The following CASP4 variants were observed in gnomAD, a reference collection of about 807,000 sequenced individuals.
CASP4 encodes caspase 4.
In CASP4, 29 loss-of-function variants were observed where a neutral mutation model predicts 41.3. That is an observed-to-expected ratio of 0.70 (90% CI 0.52 to 0.96). The LOEUF (loss-of-function observed/expected upper bound fraction) is 0.96, where lower values mean the gene tolerates loss of function less well. Ranked by LOEUF, CASP4 falls within the 40% of genes least tolerant of loss-of-function variation. The pLI, the probability that CASP4 is intolerant of heterozygous loss-of-function variation, is 0.00. For missense variants in CASP4, 447 were observed against 460.6 expected, an observed-to-expected ratio of 0.97 and a Z score of 0.27; for synonymous variants, 185 against 158.4, an observed-to-expected ratio of 1.17 and a Z score of -1.26.
intron 1 of CASP4, 24 bp from the exon 2 acceptor site, chr11:104,955,025 T>G: frequency 1.2e-6 from 2 of 1,608,408 alleles, no homozygotes; most frequent in Non-Finnish European, 8.5e-7. Flanking sequence ...AAAGATTCCT[T>G]TAACTATGGG....
chr11:104,958,960 CAAAAAAAAAA>C (rs56678254), intron 1 of CASP4, among the ~76,000 whole-genome samples: 941 of 62,498 alleles, frequency 0.015, 13 homozygotes, highest in African/African-American at 0.052. Context: ...GACTCTGTCT[CAAAAAAAAAA>C]AAAAAAAAAA....
intron 1 of CASP4, among the ~76,000 whole-genome samples, chr11:104,956,851 A>G (rs1341944479): frequency 6.6e-6 from 1 of 152,150 alleles, no homozygotes; most frequent in Non-Finnish European, 1.5e-5. Flanking sequence ...TCAGTAAACT[A>G]ATATAGTGTT....
chr11:104,951,854 T>G, intron 3 of CASP4, 42 bp downstream of exon 3: 1 of 1,292,810 alleles, frequency 7.7e-7, no homozygotes, highest in Non-Finnish European at 1.1e-6. Context: ...AAAGCAATGA[T>G]ATCTCTTCTT....
At chr11:104,950,328 A>T (rs552337478) in intron 4 of CASP4, among the ~76,000 whole-genome samples, 2 of 151,764 alleles carry the variant, frequency 1.3e-5, no homozygotes, top group South Asian at 4.2e-4. Flanking sequence ...TCTCCAACCA[A>T]CCCAAAAACG....
At chr11:104,965,588 A>G (rs1214603690) in intron 1 of CASP4, among the ~76,000 whole-genome samples, 1 of 152,228 alleles carries the variant, frequency 6.6e-6, no homozygotes, top group Non-Finnish European at 1.5e-5. Flanking sequence ...AGCTGTTCTT[A>G]TTCATTCCTG....
At chr11:104,967,155 G>A (rs1236655296) in intron 1 of CASP4, among the ~76,000 whole-genome samples, 1 of 152,164 alleles carries the variant, frequency 6.6e-6, no homozygotes, top group Non-Finnish European at 1.5e-5. Context: ...AAGAGTTTAA[G>A]GTAATAATAG....
intron 6 of CASP4, 34 bp downstream of exon 6, chr11:104,948,499 C>G: frequency 6.5e-7 from 1 of 1,543,046 alleles, no homozygotes; most frequent in African/African-American, 1.4e-5. Flanking sequence ...GCCTCAGGCC[C>G]ACAAATCCCT....
At chr11:104,945,842 CTTTTCTTTCT>C (rs1413483610) in intron 7 of CASP4, among the ~76,000 whole-genome samples, 2 of 151,746 alleles carry the variant, frequency 1.3e-5, no homozygotes, top group Admixed American at 1.3e-4. Context: ...TATTTCACTA[CTTTTCTTTCT>C]TTTTCTTTTT....
intron 2 of CASP4, among the ~76,000 whole-genome samples, chr11:104,953,114 C>T (rs559146252): frequency 6.6e-6 from 1 of 152,100 alleles, no homozygotes; most frequent in African/African-American, 2.4e-5. Context: ...ATCTTACATC[C>T]AATAATAAAA....
chr11:104,958,795 T>C (rs148796037), intron 1 of CASP4, among the ~76,000 whole-genome samples: 175 of 151,984 alleles, frequency 1.2e-3, no homozygotes, highest in African/African-American at 4.0e-3. Context: ...ACCCTGCTTC[T>C]AGTAAAAATA....
chr11:104,944,491 T>C (rs139304062), intron 8 of CASP4: 2 of 402,370 alleles, frequency 5.0e-6, no homozygotes, highest in African/African-American at 4.0e-5. Flanking sequence ...ATTACTATCC[T>C]TGGTTTTTCA....
intron 6 of CASP4, 162 bp downstream of exon 6, chr11:104,948,371 T>C: frequency 1.7e-6 from 1 of 583,686 alleles, no homozygotes; most frequent in Non-Finnish European, 2.6e-6. Context: ...TCGGGTTGCT[T>C]TAGGAATCTG....
chr11:104,953,549 T>C (rs1860665037), intron 2 of CASP4, among the ~76,000 whole-genome samples: 1 of 152,176 alleles, frequency 6.6e-6, no homozygotes, highest in Non-Finnish European at 1.5e-5. Flanking sequence ...TTAATGAGAA[T>C]GCTACCTTCT....
rs772543129 is a variant in CASP4 at position 104,948,695 on chromosome 11, TCTGCACA to T, written c.782-26_782-20del. On this transcript the variant is annotated intron_variant, in intron 5 of 8. Coordinates refer to ENST00000444739, the MANE Select transcript of CASP4 (RefSeq NM_001225.4). ...CGGTTTGCTATGGAGACATTAACTT[TCTGCACA>T]CTGCTGTGCCTCCCACAGAATGGCT... 1.9e-6 allele frequency: 3 copies of T among 1,573,186 alleles called. No individual in the cohort carries two copies. The Middle Eastern group carries it at 5.1e-4, about 267-fold the overall frequency.
intron 8 of CASP4, chr11:104,944,492 T>C: frequency 2.5e-6 from 1 of 403,318 alleles, no homozygotes; most frequent in South Asian, 3.2e-5. Flanking sequence ...TTACTATCCT[T>C]GGTTTTTCAT....
chr11:104,949,441 C>T, intron 5 of CASP4, 102 bp downstream of exon 5: 2 of 1,217,282 alleles, frequency 1.6e-6, no homozygotes, highest in South Asian at 1.3e-5. Flanking sequence ...ACTTTATTTA[C>T]ACTGGATGAG....
In CASP4 at chr11:104,968,521, G is replaced by T. The variant is rs1290296832; in HGVS notation, c.5C>A (p.Ala2Glu). 6.2e-7 allele frequency: 1 copy of T among 1,612,950 alleles called. No individual in the cohort carries two copies. Among genetic ancestry groups the T allele is most frequent in the Non-Finnish European group, 8.5e-7 (1 of 1,178,988 alleles). Residue 2 changes from alanine (A) to glutamate (E), a missense_variant and splice_region_variant, in exon 1 of 9, where the codon GCA (alanine) becomes GAA (glutamate). Coordinates refer to ENST00000444739, the MANE Select transcript of CASP4 (RefSeq NM_001225.4). The stretch of plus-strand genomic sequence containing the variant: ...CTCCTAGTCAGAAAAGGACTCACCT[G>T]CCATAGGGAACAGCCTCTGTCCTTT... Reference protein sequence around the residue: MAEGNHRKKPLK... With the variant: MEEGNHRKKPLK...
intron 5 of CASP4, chr11:104,948,951 A>G (rs550961066): frequency 4.2e-6 from 1 of 237,094 alleles, no homozygotes; most frequent in South Asian, 1.2e-4. Flanking sequence ...ATAGCTCCCA[A>G]GAGCTATCAG....
chr11:104,961,599 A>G (rs1187479792), intron 1 of CASP4, among the ~76,000 whole-genome samples: 1 of 152,128 alleles, frequency 6.6e-6, no homozygotes, highest in Non-Finnish European at 1.5e-5. Flanking sequence ...GGCTCTAACT[A>G]GTAGGAAGAG....
Sources: gnomAD v4.1 joint callset for allele counts (sites outside exome capture counted in the v4.1 genomes callset) on GRCh38, gnomAD v4.1.1 for gene constraint, MANE v1.5 for transcripts, NCBI Gene and HGNC (gene_info 2026-07-23, HGNC 2026-07-21) for gene names.